Variants in PCDHAC1 observed in about 807,000 individuals in gnomAD.
The protein encoded by PCDHAC1 is protocadherin alpha-C1.
A neutral mutation model predicts 60.0 loss-of-function variants in PCDHAC1; 42 were observed. That is an observed-to-expected ratio of 0.70 (90% CI 0.55 to 0.90). PCDHAC1 has a LOEUF of 0.90. Among genes scored for constraint, PCDHAC1 ranks in the 40% least tolerant of loss-of-function variants. The pLI, the probability that PCDHAC1 is intolerant of heterozygous loss-of-function variation, is 0.00. For missense variants in PCDHAC1, 1,160 were observed against 1,222.3 expected (o/e 0.95, Z 0.76); for synonymous variants, 468 against 499.3 (o/e 0.94, Z 0.84).
intron 1 of PCDHAC1, chr5:140,969,185 A>G (rs782632936): frequency 1.9e-6 from 3 of 1,613,974 alleles, no homozygotes; most frequent in South Asian, 1.1e-5. Context: ...TGACACTTTC[A>G]TGTTTTACAA....
In PCDHAC1 at chr5:140,926,923, T is replaced by G; in HGVS notation, c.31T>G (p.Leu11Val). Residue 11 changes from leucine to valine, a missense_variant, in exon 1 of 4, where the codon TTG becomes GTG. Transcript: ENST00000253807. MVGCGVAVLC[L>V]WVSCGAAAGQ... ...GGGCTGTGGGGTGGCAGTTTTATGT[T>G]TGTGGGTTTCCTGCGGCGCTGCAGC... is the stretch of plus-strand genomic sequence containing the variant. 1 of 1,571,554 alleles carries G rather than the reference T, an allele frequency of 6.4e-7. No individual in the cohort carries two copies.
At chr5:140,954,015 C>T (rs1322183660) in intron 1 of PCDHAC1, among the ~76,000 whole-genome samples, 4 of 152,136 alleles carry the variant, frequency 2.6e-5, no homozygotes, top group African/African-American at 7.2e-5. Context: ...AGCTCCCACA[C>T]ATAGTGGGAC....
At position 140,966,655 on chromosome 5, in the gene PCDHAC1, G is replaced by T. The variant is rs576875582; in HGVS notation, c.2434-12294G>T. The T allele has an allele frequency of 2.6e-5, 31 of 1,195,250 alleles. No homozygotes were observed. In the South Asian group the frequency reaches 4.0e-4, roughly 15 times the overall value. 74.0% of individuals were successfully genotyped at this position (1,195,250 alleles called of 1,614,324 possible). On this transcript the variant is annotated intron_variant, in intron 1 of 3. Coordinates refer to ENST00000253807, the MANE Select transcript of PCDHAC1 (RefSeq NM_018898.5). ...AGGCGCTTTCTAGAGCGTGAGCGGT[G>T]GGGGAGCAGGCGCAGGGTGGCACGA...
At chr5:140,942,260 T>TA (rs2093256424) in intron 1 of PCDHAC1, among the ~76,000 whole-genome samples, 1 of 152,086 alleles carries the variant, frequency 6.6e-6, no homozygotes, top group African/African-American at 2.4e-5. Flanking sequence ...AAAAGATATC[T>TA]AAAGCTGGTA....
intron 3 of PCDHAC1, among the ~76,000 whole-genome samples, chr5:140,984,149 G>C (rs2097089041): frequency 6.6e-6 from 1 of 152,198 alleles, no homozygotes; most frequent in Non-Finnish European, 1.5e-5. Context: ...CATCTGGGAA[G>C]GTGAGAACTT....
intron 3 of PCDHAC1, among the ~76,000 whole-genome samples, chr5:141,004,826 G>A (rs2098183640): frequency 6.6e-6 from 1 of 152,112 alleles, no homozygotes; most frequent in East Asian, 1.9e-4. Flanking sequence ...GATTAACTTA[G>A]ATAGATCAAA....
chr5:140,937,838 G>A (rs757526914), intron 1 of PCDHAC1, among the ~76,000 whole-genome samples: 3 of 150,986 alleles, frequency 2.0e-5, no homozygotes, highest in Non-Finnish European at 2.9e-5. Context: ...CATGAACCTG[G>A]AAGGCGGAAC....
At chr5:140,967,555 C>G (rs782586326) in intron 1 of PCDHAC1, 3 of 1,614,008 alleles carry the variant, frequency 1.9e-6, no homozygotes, top group Non-Finnish European at 2.5e-6. Context: ...CCACTTATCG[C>G]GTCCAGCTAC....
chr5:140,998,275 A>G (rs1554256218), intron 3 of PCDHAC1, among the ~76,000 whole-genome samples: 1 of 152,198 alleles, frequency 6.6e-6, no homozygotes, highest in African/African-American at 2.4e-5. Context: ...TGACACCCAT[A>G]GGATTAAATC....
chr5:140,941,876 C>T (rs1293978062), intron 1 of PCDHAC1, among the ~76,000 whole-genome samples: 1 of 152,166 alleles, frequency 6.6e-6, no homozygotes, highest in Non-Finnish European at 1.5e-5. Flanking sequence ...GTTCTATCAC[C>T]AGTGACTAGC....
intron 3 of PCDHAC1, among the ~76,000 whole-genome samples, chr5:140,988,308 G>A (rs75602297): frequency 6.6e-6 from 1 of 152,298 alleles, no homozygotes; most frequent in East Asian, 1.9e-4. Flanking sequence ...TGCCAGCTTG[G>A]CTTGGCTTTC....
Position 140,967,117 on chromosome 5 carries a change from C to T in PCDHAC1, c.2434-11832C>T, listed in dbSNP as rs370329233. 7.4e-6 allele frequency: 12 copies of T among 1,612,904 alleles called. No individual in the cohort carries two copies. The East Asian group carries it at 1.6e-4, about 21-fold the overall frequency. On this transcript the variant is annotated intron_variant, in intron 1 of 3. Coordinates refer to ENST00000253807, the MANE Select transcript of PCDHAC1 (RefSeq NM_018898.5). ...CGCTGTGTGAGCAGCGGCCTCGCTG[C>T]CTGCTCAGCTTGGAAGTGCTGGCGC...
chr5:140,980,317 A>G (rs1435571559), intron 2 of PCDHAC1, among the ~76,000 whole-genome samples: 1 of 152,194 alleles, frequency 6.6e-6, no homozygotes, highest in Non-Finnish European at 1.5e-5. Context: ...TAAAAACTAC[A>G]TTTGAAATAA....
chr5:141,002,656 C>T lies in PCDHAC1; in HGVS notation c.2582-6971C>T, dbSNP rs115710244. Among the ~76,000 whole-genome samples the T allele has an allele frequency of 3.7e-3, 571 of 152,302 alleles. 5 individuals are homozygous for T. The highest frequency in any genetic ancestry group is 0.013 in the African/African-American group (539 of 41,574). On this transcript the variant is annotated intron_variant, in intron 3 of 3. Coordinates refer to ENST00000253807, the MANE Select transcript of PCDHAC1 (RefSeq NM_018898.5). The stretch of plus-strand genomic sequence containing the variant: ...CTAGAAATGTCTACTTCATAGGGCT[C>T]TTGTCAGGACCAAAACCTATACGAC...
At position 140,935,795 on chromosome 5, in the gene PCDHAC1, C is replaced by CTT. The variant is rs555560136; in HGVS notation, c.2433+6470_2433+6471insTT. ...GAGTTTTTTCACTTAAAAATATAAA[C>CTT]GAGATTATTTCATAGTAGTATAGTA... On this transcript the variant is annotated intron_variant, in intron 1 of 3. Coordinates refer to ENST00000253807, the MANE Select transcript of PCDHAC1 (RefSeq NM_018898.5). 5.4e-3 allele frequency among the ~76,000 whole-genome samples: 824 copies of CTT among 151,876 alleles called. 3 individuals are homozygous for CTT. Among genetic ancestry groups the CTT allele is most frequent in the African/African-American group, 0.019 (793 of 41,436 alleles).
chr5:140,958,295 C>A (rs1405336220), intron 1 of PCDHAC1, among the ~76,000 whole-genome samples: 1 of 151,884 alleles, frequency 6.6e-6, no homozygotes, highest in African/African-American at 2.4e-5. Context: ...TATTATTGAA[C>A]TTAATTAAAA....
chr5:140,969,069 T>G, intron 1 of PCDHAC1: 1 of 1,614,160 alleles, frequency 6.2e-7, no homozygotes, highest in Non-Finnish European at 8.5e-7. Flanking sequence ...GATGCCAGGA[T>G]ACCGCATGGC....
intron 1 of PCDHAC1, among the ~76,000 whole-genome samples, chr5:140,956,438 G>A (rs891696288): frequency 1.3e-5 from 2 of 152,154 alleles, no homozygotes; most frequent in Non-Finnish European, 2.9e-5. Context: ...TTCTGCTTAT[G>A]TGATGAATTA....
At position 140,929,035 on chromosome 5, in the gene PCDHAC1, G is replaced by T. The variant is rs6877058; in HGVS notation, c.2143G>T (p.Ala715Ser). 2.5e-3 allele frequency: 4,027 copies of T among 1,614,128 alleles called. 64 individuals are homozygous for T. In the African/African-American group the frequency reaches 0.039, roughly 15 times the overall value. The change falls in exon 1 of 4, where the codon GCT becomes TCT. Residue 715 changes from alanine to serine, a missense_variant. Physicochemically the swap from Ala to Ser is moderately conservative, Grantham distance 99. Coordinates refer to ENST00000253807, the MANE Select transcript of PCDHAC1 (RefSeq NM_018898.5). The stretch of plus-strand genomic sequence containing the variant: ...GTTGCACCAGAGCCCAGGCTGTTGC[G>T]CTCAGAGCTGCTGTCGCTCTACAGA... The part of the protein sequence containing the change: ...TKLHQSPGCC[A>S]QSCCRSTEDL...
Sources: allele counts gnomAD v4.1 joint callset (sites outside exome capture counted in the v4.1 genomes callset), GRCh38; gene constraint gnomAD v4.1.1; transcripts MANE v1.5; gene names NCBI Gene and HGNC (gene_info 2026-07-23, HGNC 2026-07-21).